Variants in RFC5 observed in about 807,000 individuals in gnomAD.
The protein encoded by RFC5 is replication factor C subunit 5, also known as A1 36 kDa subunit.
RFC5 carries 26 observed loss-of-function variants against 44.3 expected under a neutral mutation model. The ratio of observed to expected loss-of-function variants is 0.59; its 90% CI spans 0.43 to 0.81. The LOEUF (loss-of-function observed/expected upper bound fraction) is 0.81, where lower values mean the gene tolerates loss of function less well. Among genes scored for constraint, RFC5 ranks in the 40% least tolerant of loss-of-function variants. The pLI is 0.00. For synonymous variants in RFC5, 155 were observed against 155.2 expected, an observed-to-expected ratio of 1.00 and a Z score of 0.01; for missense variants, 328 against 418.6, an observed-to-expected ratio of 0.78 and a Z score of 1.89.
At chr12:118,038,245 C>G in the RFC5 span, 6 of 1,579,072 alleles carry the variant, frequency 3.8e-6, no homozygotes, top group Non-Finnish European at 5.2e-6. Context: ...CACTTCAGAC[C>G]TCCATGTCTC....
intron 9 of RFC5, among the ~76,000 whole-genome samples, chr12:118,029,565 C>G (rs2031178052): frequency 6.6e-6 from 1 of 152,180 alleles, no homozygotes; most frequent in African/African-American, 2.4e-5. Context: ...TCCTTTTTGT[C>G]TACCCTATAA....
chr12:118,038,275 G>A, the RFC5 span: 6 of 1,610,834 alleles, frequency 3.7e-6, no homozygotes, highest in East Asian at 4.5e-5. Flanking sequence ...AAGCAATAAC[G>A]CTGGAGACTC....
At chr12:118,036,249 C>G, downstream of RFC5, 1 of 1,447,128 alleles carries the variant, frequency 6.9e-7, no homozygotes, top group Non-Finnish European at 9.4e-7. Context: ...CCTCCCATGT[C>G]CCAGATTCTA....
At chr12:118,027,278 C>T in intron 8 of RFC5, 3 of 432,452 alleles carry the variant, frequency 6.9e-6, no homozygotes, top group Non-Finnish European at 1.3e-5. Context: ...AAAGCTTAGG[C>T]CTTGGCATTG....
At chr12:118,036,660 G>T, downstream of RFC5, 1 of 830,312 alleles carries the variant, frequency 1.2e-6, no homozygotes, top group Non-Finnish European at 1.8e-6. Context: ...AGAACGTGTG[G>T]TGTAGGTTTA....
rs764326683 is a variant in RFC5 at position 118,025,810 on chromosome 12, G to A, written c.645G>A (p.Arg215=). ...LVTLSSGDMR[R]ALNILQSTNM... ...CTCTTTCCAGTGGAGACATGCGTAGGGCTCTGAACATTTTGCAGGTATGGT... is the reference window on the plus strand; with the variant it reads ...CTCTTTCCAGTGGAGACATGCGTAGAGCTCTGAACATTTTGCAGGTATGGT... Residue 215 remains arginine (R), a synonymous_variant, in exon 7 of 11, where the codon AGG becomes AGA. Coordinates refer to ENST00000454402, the MANE Select transcript of RFC5 (RefSeq NM_007370.7). 6 of 1,603,204 alleles carry A rather than the reference G, an allele frequency of 3.7e-6. No individual in the cohort carries two copies. Among genetic ancestry groups the A allele is most frequent in the Non-Finnish European group, 5.1e-6 (6 of 1,171,900 alleles).
At chr12:118,034,406 G>A (rs760071172), downstream of RFC5, 3 of 1,599,088 alleles carry the variant, frequency 1.9e-6, no homozygotes, top group Non-Finnish European at 2.6e-6. Context: ...GGATGTTCAT[G>A]TTTTCATGAG....
At chr12:118,020,172 C>G (rs2030388136) in intron 3 of RFC5, among the ~76,000 whole-genome samples, 1 of 152,158 alleles carries the variant, frequency 6.6e-6, no homozygotes, top group African/African-American at 2.4e-5. Flanking sequence ...CAATAGGGGC[C>G]TTGGCAGGGG....
chr12:118,034,958 C>T (rs1313808450), downstream of RFC5: 2 of 1,600,360 alleles, frequency 1.2e-6, no homozygotes, highest in Admixed American at 3.3e-5. Context: ...GAAAGCACCA[C>T]CCATCTGTTC....
Position 118,028,040 on chromosome 12 carries a change from A to C in RFC5, c.871+10A>C, listed in dbSNP as rs375321659. ...TTGTTTGTGCATAGAGGTAACTTAC[A>C]TTATCCCCCAGCTGAGAAGCTGTGG... On this transcript the variant is annotated intron_variant, in intron 9 of 10. Coordinates refer to ENST00000454402, the MANE Select transcript of RFC5 (RefSeq NM_007370.7). The C allele has an allele frequency of 1.5e-5, 24 of 1,556,042 alleles. No homozygotes were observed. In the African/African-American group the frequency reaches 3.0e-4, roughly 19 times the overall value.
chr12:118,040,893 C>T, the RFC5 span, among the ~76,000 whole-genome samples: 1 of 152,156 alleles, frequency 6.6e-6, no homozygotes, highest in Non-Finnish European at 1.5e-5. Flanking sequence ...ACTAAAAATA[C>T]AAAACATTAG....
chr12:118,034,937 T>C, downstream of RFC5: 1 of 1,564,156 alleles, frequency 6.4e-7, no homozygotes. Flanking sequence ...AGCTCCATGG[T>C]ATACTCAGCA....
intron 1 of RFC5, chr12:118,017,817 C>T (rs1283718522): frequency 2.5e-5 from 17 of 671,368 alleles, no homozygotes; most frequent in Non-Finnish European, 4.3e-5. Context: ...CTTTTAGAGG[C>T]GAGCTACCAA....
chr12:118,023,388 A>G (rs1350223809), intron 5 of RFC5, among the ~76,000 whole-genome samples: 1 of 114,842 alleles, frequency 8.7e-6, no homozygotes, highest in Non-Finnish European at 1.8e-5. Context: ...TAAGAGAAGG[A>G]TGGGGGAAGG....
chr12:118,020,386 T>C (rs2030402938), intron 3 of RFC5, among the ~76,000 whole-genome samples: 1 of 152,234 alleles, frequency 6.6e-6, no homozygotes, highest in African/African-American at 2.4e-5. Context: ...TATCACACCT[T>C]TAAAAAGATC....
Position 118,019,792 on chromosome 12 carries a change from A to T in RFC5, c.267+24A>T. The T allele has an allele frequency of 6.3e-7, 1 of 1,595,492 alleles. No homozygotes were observed. Among genetic ancestry groups the T allele is most frequent in the African/African-American group, 1.3e-5 (1 of 74,246 alleles). On this transcript the variant is annotated intron_variant, in intron 3 of 10. Transcript: ENST00000454402. This position sits in a 1 kb window ranked among gnomAD's most constrained non-coding sequence, Gnocchi z 4.2. ...AGGTAAATAAGATTGTTCTTACTCT[A>T]CAAATAACTTAAGAGACTCCAGTCT...
intron 6 of RFC5, chr12:118,025,310 C>CA: frequency 2.8e-6 from 1 of 354,092 alleles, no homozygotes; most frequent in African/African-American, 2.1e-5. Flanking sequence ...GTCCCTTCTG[C>CA]AAAGATGCTT....
At chr12:118,027,684 A>T (rs2137731063) in intron 8 of RFC5, among the ~76,000 whole-genome samples, 1 of 94,368 alleles carries the variant, frequency 1.1e-5, no homozygotes, top group Non-Finnish European at 2.1e-5. Context: ...AAAAAAAAAA[A>T]AAGAAAGAAA....
chr12:118,024,691 G>A (rs540192123), intron 5 of RFC5, 160 bp from the exon 6 acceptor site: 38 of 616,350 alleles, frequency 6.2e-5, no homozygotes, highest in East Asian at 1.4e-4. Context: ...GATTACAGAC[G>A]TGAGCCACTA....
Sources: gnomAD v4.1 joint callset for allele counts (sites outside exome capture counted in the v4.1 genomes callset) on GRCh38, gnomAD v4.1.1 for gene constraint, Gnocchi (gnomAD v3.1) non-coding constraint, MANE v1.5 for transcripts, NCBI Gene and HGNC (gene_info 2026-07-23, HGNC 2026-07-21) for gene names.